ALMS1: variants seen among roughly 807,000 people sequenced by gnomAD.
The protein encoded by ALMS1 is centrosome-associated protein ALMS1.
A neutral mutation model predicts 352.2 loss-of-function variants in ALMS1; 271 were observed. That is an observed-to-expected ratio of 0.77 (90% CI 0.70 to 0.85). The LOEUF is 0.85. Among genes scored for constraint, ALMS1 ranks in the 40% least tolerant of loss-of-function variants. The pLI, the probability that ALMS1 is intolerant of heterozygous loss-of-function variation, is 0.00. For missense variants in ALMS1, 5,445 were observed against 4,870.7 expected, an observed-to-expected ratio of 1.12 and a Z score of -3.51; for synonymous variants, 1,865 against 1,761.2, an observed-to-expected ratio of 1.06 and a Z score of -1.48.
At chr2:73,559,698 A>C (rs1674618611) in intron 15 of ALMS1, among the ~76,000 whole-genome samples, 1 of 152,168 alleles carries the variant, frequency 6.6e-6, no homozygotes. Context: ...TGGATTTTGG[A>C]AATAGTCTGG....
At chr2:73,387,042 G>A (rs1333597928) in intron 1 of ALMS1, among the ~76,000 whole-genome samples, 1 of 152,152 alleles carries the variant, frequency 6.6e-6, no homozygotes, top group Non-Finnish European at 1.5e-5. Flanking sequence ...TGTTCTTACC[G>A]GTTTTCAAGT....
chr2:73,393,887 C>G (rs1179719870), intron 1 of ALMS1, among the ~76,000 whole-genome samples: 1 of 149,484 alleles, frequency 6.7e-6, no homozygotes, highest in Non-Finnish European at 1.5e-5. Context: ...GTGGTGCAAT[C>G]TCGGCTCACT....
chr2:73,572,742 A>C lies in ALMS1; in HGVS notation c.10865A>C (p.Glu3622Ala), dbSNP rs1451553424. Residue 3622 changes from glutamate to alanine, a missense_variant, in exon 16 of 23, where the codon GAA (glutamate) becomes GCA (alanine). Coordinates refer to ENST00000613296, the MANE Select transcript of ALMS1 (RefSeq NM_001378454.1). ...QRQPELGDRK[E>A]LSLVDRLDRL... The stretch of plus-strand genomic sequence containing the variant: ...CAGCCTGAGTTGGGTGACAGGAAAG[A>C]ACTGTCCTTGGTGGACCGACTTGAT... The C allele has an allele frequency of 6.2e-7, 1 of 1,614,124 alleles. No individual in the cohort carries two copies. Among genetic ancestry groups the C allele is most frequent in the Non-Finnish European group, 8.5e-7 (1 of 1,180,002 alleles).
rs113492943 is a variant in ALMS1 at position 73,413,764 on chromosome 2, A to G, written c.450+5017A>G. On this transcript the variant is annotated intron_variant, in intron 2 of 22. Transcript: ENST00000613296. ...GCATCCAAGCTGTATTTTCTTACAT[A>G]TGAATATGTAATTGTTATTCTAGCA... Among the ~76,000 whole-genome samples the G allele has an allele frequency of 8.5e-3, 1,294 of 152,318 alleles. 18 individuals are homozygous for G. The highest frequency in any genetic ancestry group is 0.03 in the African/African-American group (1,232 of 41,564).
chr2:73,521,580 C>G (rs921521436), intron 11 of ALMS1, among the ~76,000 whole-genome samples: 4 of 94,904 alleles, frequency 4.2e-5, no homozygotes, highest in Non-Finnish European at 9.1e-5. Flanking sequence ...ACTAAAAATA[C>G]AAAAAAAAAA....
rs1439190901 is a variant in ALMS1, at chr2:73,464,030, G to C, written c.7674+8735G>C. On this transcript the variant is annotated intron_variant, in intron 9 of 22. Transcript: ENST00000613296. Reference sequence around the variant, plus strand: ...CTACCAGAGGTACAAAGAGGAGCTGGTACCATTCCTTCTGAAACTATTCCA... The same window carrying C: ...CTACCAGAGGTACAAAGAGGAGCTGCTACCATTCCTTCTGAAACTATTCCA... Among the ~76,000 whole-genome samples, 2 of 152,168 alleles carry C rather than the reference G, an allele frequency of 1.3e-5. 1 individual carries two copies. Among genetic ancestry groups the C allele is most frequent in the South Asian group, 4.1e-4 (2 of 4,828 alleles).
Position 73,559,048 on chromosome 2 carries a change from A to G in ALMS1, c.10290A>G (p.Lys3430=), listed in dbSNP as rs767748416. ...AAATGAAGAACTTGCCAGACACTAA[A>G]GCCATTACACAGAAAGAGGAGATCC... The part of the protein sequence containing the change: ...DPEMKNLPDT[K]AITQKEEIHR... Residue 3430 remains lysine, a synonymous_variant, in exon 15 of 23, where the codon AAA becomes AAG. Coordinates refer to ENST00000613296, the MANE Select transcript of ALMS1 (RefSeq NM_001378454.1). 1 of 1,614,108 alleles carries G rather than the reference A, an allele frequency of 6.2e-7. No individual in the cohort carries two copies.
intron 10 of ALMS1, among the ~76,000 whole-genome samples, chr2:73,500,613 CTA>C (rs1673199727): frequency 6.6e-6 from 1 of 152,088 alleles, no homozygotes; most frequent in Non-Finnish European, 1.5e-5. Flanking sequence ...ATTCCACACT[CTA>C]TATAGAGTGT....
chr2:73,431,216 A>G (rs1189494890), intron 6 of ALMS1, among the ~76,000 whole-genome samples: 1 of 152,182 alleles, frequency 6.6e-6, no homozygotes, highest in Non-Finnish European at 1.5e-5. Flanking sequence ...GATGGGTACA[A>G]AATCTTCACA....
chr2:73,488,785 A>C (rs974913000), intron 9 of ALMS1, among the ~76,000 whole-genome samples: 1 of 152,218 alleles, frequency 6.6e-6, no homozygotes, highest in Non-Finnish European at 1.5e-5. Context: ...TAGAATGCCA[A>C]GTTATAATGA....
chr2:73,606,225 T>TA (rs1675813876), intron 21 of ALMS1, among the ~76,000 whole-genome samples: 1 of 152,242 alleles, frequency 6.6e-6, no homozygotes, highest in South Asian at 2.1e-4. Context: ...AATAAAAAAA[T>TA]AAAGTTTTGC....
chr2:73,428,304 A>G (rs1671420453), intron 6 of ALMS1, among the ~76,000 whole-genome samples: 1 of 152,162 alleles, frequency 6.6e-6, no homozygotes, highest in African/African-American at 2.4e-5. Flanking sequence ...TTATTCAGCA[A>G]TTGGGGGAAC....
At chr2:73,400,523 C>T (rs1670853501) in intron 1 of ALMS1, among the ~76,000 whole-genome samples, 1 of 152,134 alleles carries the variant, frequency 6.6e-6, no homozygotes, top group African/African-American at 2.4e-5. Flanking sequence ...GGTACAATTT[C>T]CTCCTTCAGG....
intron 3 of ALMS1, among the ~76,000 whole-genome samples, chr2:73,420,100 T>C (rs147774149): frequency 2.6e-5 from 4 of 152,320 alleles, no homozygotes; most frequent in African/African-American, 9.6e-5. Context: ...TATCTTTTGA[T>C]AGACAAAAGA....
At chr2:73,510,665 T>G (rs1673430842) in intron 10 of ALMS1, among the ~76,000 whole-genome samples, 1 of 152,138 alleles carries the variant, frequency 6.6e-6, no homozygotes, top group Admixed American at 6.5e-5. Context: ...TGCTGGTAGG[T>G]GTCTCCCCAC....
intron 13 of ALMS1, among the ~76,000 whole-genome samples, chr2:73,552,106 A>T (rs1198069840): frequency 6.6e-6 from 1 of 152,144 alleles, no homozygotes; most frequent in Non-Finnish European, 1.5e-5. Flanking sequence ...CACAATGTGC[A>T]GGTTAGTTAC....
intron 7 of ALMS1, among the ~76,000 whole-genome samples, chr2:73,435,178 T>G (rs1188663924): frequency 1.3e-5 from 2 of 152,190 alleles, no homozygotes; most frequent in East Asian, 3.8e-4. Context: ...AAATCTTGAG[T>G]TTTTAATTTT....
chr2:73,448,815 C>A lies in ALMS1; in HGVS notation c.2288C>A (p.Ser763Tyr). 1 of 1,614,042 alleles carries A rather than the reference C, an allele frequency of 6.2e-7. No individual in the cohort carries two copies. The highest frequency in any genetic ancestry group is 8.5e-7 in the Non-Finnish European group (1 of 1,179,980). The change falls in exon 8 of 23, where the codon TCT becomes TAT. Residue 763 changes from serine (S) to tyrosine (Y), a missense_variant. Transcript: ENST00000613296. ...GAGATACCAGCAGTACAGTCTAGTT[C>A]TTACTCACAAAGAGAAAAGCCTAGT... is the stretch of plus-strand genomic sequence containing the variant. ...KTEIPAVQSSSYSQREKPSIL... is the reference protein window; with the variant it reads ...KTEIPAVQSSYYSQREKPSIL...
Position 73,448,510 on chromosome 2 carries a change from A to G in ALMS1, c.1983A>G (p.Ile661Met), listed in dbSNP as rs1572931794. 2.5e-6 allele frequency: 4 copies of G among 1,613,726 alleles called. No individual in the cohort carries two copies. The highest frequency in any genetic ancestry group is 1.7e-5 in the Admixed American group (1 of 59,944). Residue 661 changes from isoleucine (I) to methionine (M), a missense_variant, in exon 8 of 23, where the codon ATA (isoleucine) becomes ATG (methionine). Ile to Met is a conservative substitution (Grantham distance 10). Coordinates refer to ENST00000613296, the MANE Select transcript of ALMS1 (RefSeq NM_001378454.1). ...GCCCAGTGGAGCAGAAGACGGGAATACCTACAGTATCCTCTACATCCCACT... is the reference window on the plus strand; with the variant it reads ...GCCCAGTGGAGCAGAAGACGGGAATGCCTACAGTATCCTCTACATCCCACT... ...APGPVEQKTG[I>M]PTVSSTSHSH...
Sources: allele counts gnomAD v4.1 joint callset (sites outside exome capture counted in the v4.1 genomes callset), GRCh38; gene constraint gnomAD v4.1.1; transcripts MANE v1.5; gene names NCBI Gene and HGNC (gene_info 2026-07-23, HGNC 2026-07-21).